Variants in UGGT1 observed in about 807,000 individuals in gnomAD.
The protein encoded by UGGT1 is UDP-glucose:glycoprotein glucosyltransferase 1.
In UGGT1, 107 loss-of-function variants were observed where a neutral mutation model predicts 203.9. The observed-to-expected ratio is 0.52, with a 90% confidence interval of 0.45 to 0.62. UGGT1 has a LOEUF of 0.62. Ranked by LOEUF, UGGT1 falls within the 20% of genes least tolerant of loss-of-function variation. The pLI, the probability that UGGT1 is intolerant of heterozygous loss-of-function variation, is 0.00. For missense variants in UGGT1, 1,673 were observed against 1,867.2 expected (o/e 0.90, Z 1.92); for synonymous variants, 628 against 653.5 (o/e 0.96, Z 0.59).
At chr2:128,182,428 A>G in intron 37 of UGGT1, 138 bp downstream of exon 37, 1 of 1,154,914 alleles carries the variant, frequency 8.7e-7, no homozygotes, top group South Asian at 1.8e-5. Flanking sequence ...GGCTGGGTGC[A>G]GTGGCTCATG....
At chr2:128,165,076 T>C (rs1573603018) in intron 26 of UGGT1, among the ~76,000 whole-genome samples, 1 of 152,244 alleles carries the variant, frequency 6.6e-6, no homozygotes, top group East Asian at 1.9e-4. Flanking sequence ...TGCACCCTTG[T>C]AGTAGAAAAT....
intron 18 of UGGT1, among the ~76,000 whole-genome samples, chr2:128,150,768 G>A (rs555335306): frequency 8.6e-5 from 13 of 151,742 alleles, no homozygotes; most frequent in Middle Eastern, 3.4e-3. Flanking sequence ...CTATGGCAGG[G>A]AATACAGATG....
chr2:128,154,610 C>G (rs1179442172), intron 19 of UGGT1, among the ~76,000 whole-genome samples: 1 of 152,142 alleles, frequency 6.6e-6, no homozygotes, highest in Non-Finnish European at 1.5e-5. Context: ...TCTCCCTTCC[C>G]CCACGTGATA....
chr2:128,181,190 A>T (rs1021740992), intron 36 of UGGT1, 118 bp downstream of exon 36: 5 of 973,628 alleles, frequency 5.1e-6, no homozygotes, highest in Admixed American at 5.1e-5. Flanking sequence ...TTTAGAAAAT[A>T]TGAAAATATG....
intron 10 of UGGT1, among the ~76,000 whole-genome samples, chr2:128,122,741 G>A (rs1688439509): frequency 6.6e-6 from 1 of 152,160 alleles, no homozygotes; most frequent in Non-Finnish European, 1.5e-5. Flanking sequence ...AACTAAGTTT[G>A]TTTATTTGGG....
chr2:128,138,934 G>A, intron 16 of UGGT1, 82 bp downstream of exon 16: 1 of 1,562,908 alleles, frequency 6.4e-7, no homozygotes, highest in Non-Finnish European at 8.7e-7. Flanking sequence ...TGTATGCTAG[G>A]CAGCTGGGGT....
chr2:128,122,502 C>T (rs1688428917), intron 10 of UGGT1, among the ~76,000 whole-genome samples: 1 of 151,380 alleles, frequency 6.6e-6, no homozygotes. Context: ...CCATTGCACT[C>T]CAGCCTGAGC....
Position 128,193,547 on chromosome 2 carries a change from C to G in UGGT1, c.*3805C>G, listed in dbSNP as rs1036504863. On this transcript the variant is annotated 3_prime_UTR_variant, in exon 41 of 41. Coordinates refer to ENST00000259253, the MANE Select transcript of UGGT1 (RefSeq NM_020120.4). ...GTGCTGGGATTACAGGCGTGAGCCA[C>G]TATGTCCGGTCAAGCCCTCGTGTTC... is the stretch of plus-strand genomic sequence containing the variant. The G allele has an allele frequency of 6.6e-6, 1 of 152,134 alleles. No individual in the cohort carries two copies. The highest frequency in any genetic ancestry group is 1.5e-5 in the Non-Finnish European group (1 of 68,232). 9.4% of individuals were successfully genotyped at this position (152,134 alleles called of 1,614,324 possible). A position where few individuals can be genotyped will look rare whatever the true frequency, so the allele number is the denominator to read the frequency against.
At chr2:128,116,487 G>A (rs10210598) in intron 8 of UGGT1, 144 bp downstream of exon 8, 497,572 of 535,664 alleles carry the variant, frequency 0.93, 233,178 homozygotes, top group Non-Finnish European at 0.98. Flanking sequence ...CCTACGTGGA[G>A]AGTCAACCAC....
At chr2:128,132,318 T>C (rs987077550) in intron 13 of UGGT1, among the ~76,000 whole-genome samples, 2 of 151,608 alleles carry the variant, frequency 1.3e-5, no homozygotes, top group East Asian at 3.9e-4. Flanking sequence ...GAGGCCGAGG[T>C]GGGCGGATCA....
intron 2 of UGGT1, among the ~76,000 whole-genome samples, chr2:128,102,145 A>T (rs1333884420): frequency 6.8e-6 from 1 of 146,594 alleles, no homozygotes; most frequent in African/African-American, 2.5e-5. Flanking sequence ...TAAAATCATA[A>T]TTTTTTTTTT....
chr2:128,102,303 C>A (rs991061651), intron 2 of UGGT1, among the ~76,000 whole-genome samples: 9 of 152,048 alleles, frequency 5.9e-5, no homozygotes, highest in African/African-American at 1.9e-4. Context: ...CCACCACCCT[C>A]GACTAATTTT....
chr2:128,173,837 T>C lies in UGGT1; in HGVS notation c.3351T>C (p.His1117=), dbSNP rs1691236665. 1 of 1,614,070 alleles carries C rather than the reference T, an allele frequency of 6.2e-7. No individual in the cohort carries two copies. Among genetic ancestry groups the C allele is most frequent in the Admixed American group, 1.7e-5 (1 of 60,002 alleles). ...YELEYLLLEG[H]CYDITTGQPP... ...TGGAATACCTGTTACTGGAAGGTCA[T>C]TGCTACGACATCACCACAGGCCAGC... The change falls in exon 30 of 41, where the codon CAT becomes CAC. Residue 1117 remains histidine, a synonymous_variant. Coordinates refer to ENST00000259253, the MANE Select transcript of UGGT1 (RefSeq NM_020120.4).
At chr2:128,176,583 G>A (rs1036980687) in intron 31 of UGGT1, among the ~76,000 whole-genome samples, 7 of 152,088 alleles carry the variant, frequency 4.6e-5, no homozygotes, top group Admixed American at 1.3e-4. Context: ...CTCTCACTAC[G>A]TGATGGGTAA....
intron 16 of UGGT1, among the ~76,000 whole-genome samples, chr2:128,140,974 C>CGCTGGG (rs1689393703): frequency 6.6e-6 from 1 of 151,944 alleles, no homozygotes; most frequent in Non-Finnish European, 1.5e-5. Context: ...ACGTGTGAGC[C>CGCTGGG]ACTGGGGCTT....
At chr2:128,183,591 A>T in intron 37 of UGGT1, 84 bp from the exon 38 acceptor site, 1 of 929,078 alleles carries the variant, frequency 1.1e-6, no homozygotes, top group Non-Finnish European at 1.7e-6. Flanking sequence ...ATATTTGGCT[A>T]GTGGCCTGTT....
At chr2:128,152,692 T>C (rs1171240903) in intron 18 of UGGT1, 92 bp from the exon 19 acceptor site, 8 of 1,502,396 alleles carry the variant, frequency 5.3e-6, no homozygotes, top group Middle Eastern at 1.8e-4. Flanking sequence ...GGAAGCCATT[T>C]ATAAAGTTAA....
chr2:128,116,430 T>C, intron 8 of UGGT1, 87 bp downstream of exon 8: 1 of 840,980 alleles, frequency 1.2e-6, no homozygotes, highest in Non-Finnish European at 2.0e-6. Context: ...ATCTTACTCA[T>C]TACTGTCTGA....
intron 2 of UGGT1, among the ~76,000 whole-genome samples, chr2:128,100,228 G>T (rs913665399): frequency 3.3e-5 from 5 of 151,936 alleles, no homozygotes; most frequent in Non-Finnish European, 7.4e-5. Context: ...GTAGAGATGG[G>T]GTTTTACCAT....
Sources: allele counts gnomAD v4.1 joint callset (sites outside exome capture counted in the v4.1 genomes callset), GRCh38; gene constraint gnomAD v4.1.1; transcripts MANE v1.5; gene names NCBI Gene and HGNC (gene_info 2026-07-23, HGNC 2026-07-21).